Variants in SLC5A11 observed in about 807,000 individuals in gnomAD.
SLC5A11 encodes solute carrier family 5 member 11, also known as sodium/myo-inositol cotransporter 2.
In SLC5A11, 48 loss-of-function variants were observed where a neutral mutation model predicts 69.8. The ratio of observed to expected loss-of-function variants is 0.69; its 90% CI spans 0.55 to 0.87. The LOEUF (loss-of-function observed/expected upper bound fraction) is 0.87. SLC5A11 is among the 40% of genes least tolerant of loss of function. SLC5A11 has a pLI of 0.00. For missense variants in SLC5A11, 784 were observed against 866.1 expected, an observed-to-expected ratio of 0.91 and a Z score of 1.19; for synonymous variants, 319 against 342.4, an observed-to-expected ratio of 0.93 and a Z score of 0.75.
At chr16:24,911,467 C>T (rs764149605) in exon 16 of SLC5A11, 7 of 1,614,112 alleles carry the variant, frequency 4.3e-6, no homozygotes, top group Admixed American at 1.7e-5. Context: ...TGGTGAAGAC[C>T]CTCCTGGACG....
chr16:24,869,099 C>T (rs2047110410), intron 3 of SLC5A11, among the ~76,000 whole-genome samples: 1 of 152,088 alleles, frequency 6.6e-6, no homozygotes, highest in Non-Finnish European at 1.5e-5. Flanking sequence ...AACTCCTGAC[C>T]TCAAGTGATC....
chr16:24,863,405 G>GTTGTTT (rs2046725132), intron 3 of SLC5A11, among the ~76,000 whole-genome samples: 1 of 151,968 alleles, frequency 6.6e-6, no homozygotes, highest in Non-Finnish European at 1.5e-5. Context: ...TTTTCTTGCT[G>GTTGTTT]TTGTTTTTGT....
At chr16:24,866,869 C>A (rs2046952403) in intron 3 of SLC5A11, among the ~76,000 whole-genome samples, 1 of 152,016 alleles carries the variant, frequency 6.6e-6, no homozygotes, top group Non-Finnish European at 1.5e-5. Flanking sequence ...ACAACAGACT[C>A]CCAATATATA....
chr16:24,867,425 T>A (rs75177736), intron 3 of SLC5A11, among the ~76,000 whole-genome samples: 4,568 of 151,926 alleles, frequency 0.03, 226 homozygotes, highest in African/African-American at 0.1. Context: ...AAGAAAGATG[T>A]CAAACCAATT....
Position 24,909,679 on chromosome 16 carries a change from A to G in SLC5A11, c.1650+583A>G, listed in dbSNP as rs2203094. ...AAAAAAAAAAAAAGGAAAAGAAAAA[A>G]TTAGCAGGGCGTGATGGCTCATGCC... On this transcript the variant is annotated intron_variant, in intron 14 of 15. Coordinates refer to ENST00000347898, the Ensembl canonical transcript of SLC5A11. 1.8e-4 allele frequency among the ~76,000 whole-genome samples: 27 copies of G among 150,030 alleles called. No homozygotes were observed. In the East Asian group the frequency reaches 2.5e-3, roughly 14 times the overall value.
At chr16:24,855,074 C>T (rs1173293705) in intron 1 of SLC5A11, among the ~76,000 whole-genome samples, 1 of 152,210 alleles carries the variant, frequency 6.6e-6, no homozygotes, top group East Asian at 1.9e-4. Flanking sequence ...AAGTGATCCT[C>T]CTGCCTCAGC....
chr16:24,872,094 G>A, intron 4 of SLC5A11, 66 bp from the exon 6 acceptor site: 1 of 1,602,358 alleles, frequency 6.2e-7, no homozygotes. Context: ...AGGGCGCAGA[G>A]GGAAATCCAA....
chr16:24,873,826 A>AGC (rs2047491151), intron 5 of SLC5A11, among the ~76,000 whole-genome samples: 1 of 138,174 alleles, frequency 7.2e-6, no homozygotes, highest in African/African-American at 2.7e-5. Flanking sequence ...AACTGGAGTA[A>AGC]TTTTTTTTTT....
In SLC5A11 at chr16:24,898,179, A is replaced by G. The variant is rs145693402; in HGVS notation, c.1006+70A>G. ...AGACCATGTGAATTATTCTAAACAT[A>G]TTATTAGAAGCCTCAAGAGAATGTG... On this transcript the variant is annotated intron_variant, in intron 10 of 15. Transcript: ENST00000347898. 4.2e-3 allele frequency: 6,408 copies of G among 1,541,122 alleles called. 18 individuals are homozygous for G. The highest frequency in any genetic ancestry group is 5.1e-3 in the Non-Finnish European group (5,831 of 1,141,076).
Position 24,879,146 on chromosome 16 carries a change from T to G in SLC5A11, c.583+1783T>G, listed in dbSNP as rs186832692. On this transcript the variant is annotated intron_variant, in intron 7 of 15. Transcript: ENST00000347898. The stretch of plus-strand genomic sequence containing the variant: ...GGACAGGTTTTTTTTGGTTTTTTGT[T>G]TTTTTTTTACATAGAATATTCAGCT... Among the ~76,000 whole-genome samples, 13 of 151,516 alleles carry G rather than the reference T, an allele frequency of 8.6e-5. 1 individual carries two copies. The highest frequency in any genetic ancestry group is 4.0e-4 in the Admixed American group (6 of 15,144).
chr16:24,910,160 G>C (rs1190398152), intron 14 of SLC5A11, 146 bp from the exon 16 acceptor site: 2 of 666,534 alleles, frequency 3.0e-6, no homozygotes, highest in South Asian at 1.9e-5. Context: ...CATGATGCTT[G>C]TTGGAGGATG....
chr16:24,885,629 G>A (rs1318176560), intron 8 of SLC5A11, among the ~76,000 whole-genome samples: 5 of 122,678 alleles, frequency 4.1e-5, no homozygotes, highest in East Asian at 4.9e-4. Context: ...GCCTGGTCTC[G>A]CTTTGAGACA....
chr16:24,899,428 A>T (rs2152396219), intron 10 of SLC5A11, among the ~76,000 whole-genome samples: 1 of 151,236 alleles, frequency 6.6e-6, no homozygotes, highest in African/African-American at 2.4e-5. Flanking sequence ...TTTTTTTGAC[A>T]GAGTCTCACT....
exon 2 of SLC5A11, chr16:24,858,778 G>T (rs761923781): frequency 6.2e-7 from 1 of 1,609,854 alleles, no homozygotes. Flanking sequence ...TTGGACTATG[G>T]GTAAGCCAGG....
chr16:24,860,217 G>A (rs2152258869), intron 2 of SLC5A11, among the ~76,000 whole-genome samples: 1 of 152,286 alleles, frequency 6.6e-6, no homozygotes, highest in East Asian at 1.9e-4. Context: ...AATCCGGGAG[G>A]CAGAGCTTGC....
At chr16:24,909,144 TG>T (rs2050308141) in intron 14 of SLC5A11, 48 bp downstream of exon 15, 1 of 1,591,628 alleles carries the variant, frequency 6.3e-7, no homozygotes, top group African/African-American at 1.3e-5. Context: ...TTGTTGGAAG[TG>T]ACAGAAAACT....
At chr16:24,847,785 G>T (rs545815580) in intron 1 of SLC5A11, among the ~76,000 whole-genome samples, 1 of 152,214 alleles carries the variant, frequency 6.6e-6, no homozygotes, top group African/African-American at 2.4e-5. Flanking sequence ...CGGTCACAGC[G>T]TGCAAAGGAT....
chr16:24,892,125 G>A (rs113625920), intron 9 of SLC5A11, among the ~76,000 whole-genome samples: 1,881 of 151,736 alleles, frequency 0.012, 48 homozygotes, highest in African/African-American at 0.043. Flanking sequence ...TACTTGGGAG[G>A]CTGAGGTGGG....
chr16:24,855,531 G>A (rs8052783), intron 1 of SLC5A11, among the ~76,000 whole-genome samples: 21,829 of 151,804 alleles, frequency 0.14, 1,728 homozygotes, highest in Middle Eastern at 0.23. Context: ...AGCCTAGGAG[G>A]TTGAAGTTGC....
Sources: gnomAD v4.1 joint callset for allele counts (sites outside exome capture counted in the v4.1 genomes callset) on GRCh38, gnomAD v4.1.1 for gene constraint, MANE v1.5 for transcripts, NCBI Gene and HGNC (gene_info 2026-07-23, HGNC 2026-07-21) for gene names.